Variants in TTC39C observed in about 807,000 individuals in gnomAD.
The protein encoded by TTC39C is tetratricopeptide repeat protein 39C.
Under a neutral mutation model 76.3 loss-of-function variants are expected in TTC39C, and 33 were observed. The observed-to-expected ratio is 0.43, with a 90% CI of 0.33 to 0.58. The LOEUF (loss-of-function observed/expected upper bound fraction) is 0.58, where lower values mean the gene tolerates loss of function less well. Among genes scored for constraint, TTC39C ranks in the 20% least tolerant of loss-of-function variants. The pLI is 0.04. For synonymous variants in TTC39C, 254 were observed against 260.6 expected, an observed-to-expected ratio of 0.97 and a Z score of 0.24; for missense variants, 595 against 701.4, an observed-to-expected ratio of 0.85 and a Z score of 1.71.
chr18:24,111,529 A>G (rs911733604), intron 6 of TTC39C, among the ~76,000 whole-genome samples: 1 of 151,138 alleles, frequency 6.6e-6, no homozygotes, highest in Non-Finnish European at 1.5e-5. Context: ...AGATCACGCC[A>G]CTGACTCCAG....
chr18:24,090,522 C>G (rs533268560), intron 6 of TTC39C, among the ~76,000 whole-genome samples: 1 of 152,092 alleles, frequency 6.6e-6, no homozygotes, highest in South Asian at 2.1e-4. Context: ...CAGTACTTTC[C>G]TAATTGAGCT....
At chr18:24,090,012 G>A (rs2084497802) in intron 6 of TTC39C, among the ~76,000 whole-genome samples, 1 of 151,984 alleles carries the variant, frequency 6.6e-6, no homozygotes, top group Admixed American at 6.6e-5. Flanking sequence ...TTATACATAC[G>A]AGACTTTCTG....
chr18:24,021,933 C>T (rs2083522437), intron 1 of TTC39C, among the ~76,000 whole-genome samples: 1 of 152,182 alleles, frequency 6.6e-6, no homozygotes, highest in Admixed American at 6.5e-5. Flanking sequence ...GCAGGTCTTT[C>T]CTTCAAGGAG....
At chr18:24,052,168 C>T (rs1412209939) in intron 1 of TTC39C, among the ~76,000 whole-genome samples, 1 of 152,128 alleles carries the variant, frequency 6.6e-6, no homozygotes, top group Non-Finnish European at 1.5e-5. Context: ...AGGGGGCCCT[C>T]ATTTGTCCAC....
At chr18:24,010,804 C>CT (rs1255795339), upstream of TTC39C, among the ~76,000 whole-genome samples, 2 of 152,162 alleles carry the variant, frequency 1.3e-5, no homozygotes, top group Non-Finnish European at 2.9e-5. Flanking sequence ...TCCCAGCACT[C>CT]TAAGAGGCCG....
At chr18:24,131,963 C>T (rs1165951230) in intron 13 of TTC39C, 43 bp downstream of exon 13, 20 of 1,574,954 alleles carry the variant, frequency 1.3e-5, no homozygotes, top group Non-Finnish European at 1.7e-5. Flanking sequence ...CCCTTCTTAT[C>T]CCATACACTG....
At chr18:24,037,164 G>T (rs1193836476) in intron 1 of TTC39C, among the ~76,000 whole-genome samples, 1 of 152,154 alleles carries the variant, frequency 6.6e-6, no homozygotes, top group East Asian at 1.9e-4. Flanking sequence ...TTAGCTGTGG[G>T]TTTAATGTTT....
At chr18:24,050,664 G>A (rs140126037) in intron 1 of TTC39C, among the ~76,000 whole-genome samples, 4,554 of 152,032 alleles carry the variant, frequency 0.03, 106 homozygotes, top group Admixed American at 0.066. Context: ...CTGAGGTCAG[G>A]AGTTCGAGAC....
At chr18:23,999,607 C>T (rs2145624626) in intron 1 of TTC39C, among the ~76,000 whole-genome samples, 1 of 99,866 alleles carries the variant, frequency 1.0e-5, no homozygotes, top group East Asian at 2.1e-4. Context: ...CAGCCGGTGC[C>T]CTGTGCTAGG....
intron 1 of TTC39C, among the ~76,000 whole-genome samples, chr18:24,026,674 G>C (rs1315359745): frequency 6.6e-6 from 1 of 152,110 alleles, no homozygotes; most frequent in Non-Finnish European, 1.5e-5. Flanking sequence ...AGGAAGATAC[G>C]AGTCTGAGCG....
At chr18:24,123,964 C>G in intron 9 of TTC39C, 21 bp downstream of exon 9, 1 of 1,559,738 alleles carries the variant, frequency 6.4e-7, no homozygotes, top group Non-Finnish European at 8.8e-7. Flanking sequence ...GCCTATTGAT[C>G]TGGTGTATTA....
intron 6 of TTC39C, among the ~76,000 whole-genome samples, chr18:24,084,940 C>T (rs896516236): frequency 9.9e-5 from 15 of 152,178 alleles, no homozygotes; most frequent in African/African-American, 2.9e-4. Flanking sequence ...GCTGAGATTA[C>T]AGGTGTGAGC....
chr18:24,091,328 G>A (rs190754625), intron 6 of TTC39C, among the ~76,000 whole-genome samples: 1 of 152,294 alleles, frequency 6.6e-6, no homozygotes, highest in Non-Finnish European at 1.5e-5. Context: ...TGTAGGCCCA[G>A]CTATTCAGGA....
chr18:24,091,329 C>G (rs1278984283), intron 6 of TTC39C, among the ~76,000 whole-genome samples: 1 of 152,146 alleles, frequency 6.6e-6, no homozygotes, highest in Non-Finnish European at 1.5e-5. Flanking sequence ...GTAGGCCCAG[C>G]TATTCAGGAG....
intron 1 of TTC39C, among the ~76,000 whole-genome samples, chr18:24,028,466 A>G (rs1360355018): frequency 6.6e-6 from 1 of 152,212 alleles, no homozygotes; most frequent in African/African-American, 2.4e-5. Flanking sequence ...CTATTCTACT[A>G]AAGTCTAGAA....
chr18:24,058,563 A>C (rs1197046540), intron 1 of TTC39C, among the ~76,000 whole-genome samples: 1 of 152,042 alleles, frequency 6.6e-6, no homozygotes, highest in Non-Finnish European at 1.5e-5. Context: ...GCTGAGACAC[A>C]AGAATCACTT....
chr18:24,022,267 C>T (rs2083526192), intron 1 of TTC39C, among the ~76,000 whole-genome samples: 1 of 148,734 alleles, frequency 6.7e-6, no homozygotes, highest in African/African-American at 2.5e-5. Context: ...AGAACACATT[C>T]TTTTAAAGGC....
intron 1 of TTC39C, among the ~76,000 whole-genome samples, chr18:24,044,198 C>T (rs985655252): frequency 2.6e-5 from 4 of 152,020 alleles, no homozygotes; most frequent in African/African-American, 9.7e-5. Context: ...TGGAAAAAGT[C>T]AGACTCTTTC....
chr18:24,005,633 G>A (rs1049328311), intron 1 of TTC39C, among the ~76,000 whole-genome samples: 4 of 151,762 alleles, frequency 2.6e-5, no homozygotes, highest in African/African-American at 9.7e-5. Flanking sequence ...ATCTCTTGAG[G>A]CCAGGAGTTT....
Sources: allele counts gnomAD v4.1 joint callset (sites outside exome capture counted in the v4.1 genomes callset), GRCh38; gene constraint gnomAD v4.1.1; transcripts MANE v1.5; gene names NCBI Gene and HGNC (gene_info 2026-07-23, HGNC 2026-07-21).